The following ENTREP3 variants were observed in gnomAD, a reference collection of about 807,000 sequenced individuals.
The protein encoded by ENTREP3 is endosomal transmembrane epsin interactor 3, also known as protein ENTREP3.
chr1:155,251,130 G>C, the ENTREP3 span: 4 of 1,612,332 alleles, frequency 2.5e-6, no homozygotes, highest in South Asian at 1.1e-5. Flanking sequence ...ACAGATGCAC[G>C]AGCCATCGTG....
the ENTREP3 span, chr1:155,248,460 G>T: frequency 6.2e-7 from 1 of 1,613,718 alleles, no homozygotes; most frequent in Non-Finnish European, 8.5e-7. Context: ...TGGTATAAAG[G>T]TCCCTGAAGT....
the ENTREP3 span, chr1:155,250,468 T>G: frequency 1.4e-6 from 2 of 1,476,506 alleles, no homozygotes; most frequent in Non-Finnish European, 1.8e-6. This position sits in a 1 kb window ranked among gnomAD's most constrained non-coding sequence, Gnocchi z 5.4. Context: ...ACCCGCCGCC[T>G]CAGCTCGGGG....
At chr1:155,250,623 T>C in the ENTREP3 span, 7 of 1,610,018 alleles carry the variant, frequency 4.3e-6, no homozygotes, top group Non-Finnish European at 2.5e-6. The surrounding 1 kb of genome is among the most constrained non-coding windows in gnomAD (Gnocchi z 5.4). Flanking sequence ...CAGGGGGCTT[T>C]CCTCGAAGGG....
At chr1:155,253,784 T>C in the ENTREP3 span, 1 of 1,609,522 alleles carries the variant, frequency 6.2e-7, no homozygotes. Context: ...GTTCCACACA[T>C]TATGGGCCTG....
At chr1:155,253,593 C>T in the ENTREP3 span, 32 of 1,507,970 alleles carry the variant, frequency 2.1e-5, no homozygotes, top group Middle Eastern at 1.7e-4. Flanking sequence ...CCCCACCATA[C>T]CTGCGTGCCC....
At chr1:155,249,887 A>G in the ENTREP3 span, among the ~76,000 whole-genome samples, 6 of 140,104 alleles carry the variant, frequency 4.3e-5, no homozygotes, top group African/African-American at 1.6e-4. Context: ...CACCGTCTCA[A>G]AAAAAAAAAA....
chr1:155,247,485 A>T, the ENTREP3 span: 1 of 654,626 alleles, frequency 1.5e-6, no homozygotes, highest in East Asian at 3.1e-5. Flanking sequence ...TGCAAATCAG[A>T]AAGAGCCACT....
At chr1:155,248,351 G>C in the ENTREP3 span, 2 of 1,614,010 alleles carry the variant, frequency 1.2e-6, no homozygotes, top group Admixed American at 3.3e-5. Context: ...GTGGAGAGGG[G>C]GCTGGGCAGC....
chr1:155,251,485 C>T, the ENTREP3 span: 1 of 1,594,650 alleles, frequency 6.3e-7, no homozygotes, highest in Non-Finnish European at 8.6e-7. Context: ...CCGCCCCAAG[C>T]CGTGCTGTGC....
chr1:155,249,779 G>C, the ENTREP3 span, among the ~76,000 whole-genome samples: 3 of 151,782 alleles, frequency 2.0e-5, no homozygotes, highest in Non-Finnish European at 4.4e-5. Flanking sequence ...CTCACTACTC[G>C]GGAGGCTGAG....
At chr1:155,250,879 G>A in the ENTREP3 span, 1 of 1,500,468 alleles carries the variant, frequency 6.7e-7, no homozygotes, top group South Asian at 1.2e-5. The surrounding 1 kb of genome is among the most constrained non-coding windows in gnomAD (Gnocchi z 5.4). Flanking sequence ...GCCCTGCCCA[G>A]GCAGTTCCTC....
the ENTREP3 span, chr1:155,251,544 G>C: frequency 6.2e-7 from 1 of 1,614,024 alleles, no homozygotes; most frequent in African/African-American, 1.3e-5. Flanking sequence ...CATAAGAAGG[G>C]GGGCAATCGG....
the ENTREP3 span, among the ~76,000 whole-genome samples, chr1:155,252,409 G>A: frequency 6.6e-6 from 1 of 151,132 alleles, no homozygotes; most frequent in Non-Finnish European, 1.5e-5. Flanking sequence ...CACTCTTGTC[G>A]CCCAGGCTGG....
At chr1:155,254,659 C>A in the ENTREP3 span, 1 of 1,607,612 alleles carries the variant, frequency 6.2e-7, no homozygotes, top group South Asian at 1.1e-5. The surrounding 1 kb of genome is among the most constrained non-coding windows in gnomAD (Gnocchi z 4.4). Context: ...TCACCGAGAA[C>A]CCAGCCCAAG....
the ENTREP3 span, chr1:155,254,638 G>A: frequency 1.2e-6 from 2 of 1,605,156 alleles, no homozygotes; most frequent in African/African-American, 1.3e-5. This position sits in a 1 kb window ranked among gnomAD's most constrained non-coding sequence, Gnocchi z 4.4. Flanking sequence ...CCCAACAACT[G>A]TGCACCCAAC....
chr1:155,250,527 CGGGCAGCTGT>C, the ENTREP3 span: 4 of 1,530,092 alleles, frequency 2.6e-6, no homozygotes, highest in African/African-American at 1.4e-5. This position sits in a 1 kb window ranked among gnomAD's most constrained non-coding sequence, Gnocchi z 5.4. Flanking sequence ...GTGGCAGCTG[CGGGCAGCTGT>C]GGGGGCACCC....
chr1:155,251,889 G>T, the ENTREP3 span: 1 of 1,453,208 alleles, frequency 6.9e-7, no homozygotes, highest in African/African-American at 1.5e-5. Context: ...GCCTGAGACT[G>T]ACCGCTCAGG....
At chr1:155,250,474 C>T in the ENTREP3 span, 1 of 1,479,090 alleles carries the variant, frequency 6.8e-7, no homozygotes. This position sits in a 1 kb window ranked among gnomAD's most constrained non-coding sequence, Gnocchi z 5.4. Context: ...CGCCTCAGCT[C>T]GGGGAAGCAG....
At chr1:155,254,171 C>T in the ENTREP3 span, 4 of 1,613,894 alleles carry the variant, frequency 2.5e-6, no homozygotes, top group South Asian at 1.1e-5. The surrounding 1 kb of genome is among the most constrained non-coding windows in gnomAD (Gnocchi z 4.4). Context: ...CACAGAGCAC[C>T]GAAAGCAAGG....
Sources: gnomAD v4.1 joint callset for allele counts (sites outside exome capture counted in the v4.1 genomes callset) on GRCh38, gnomAD v4.1.1 for gene constraint, Gnocchi (gnomAD v3.1) non-coding constraint, MANE v1.5 for transcripts, NCBI Gene and HGNC (gene_info 2026-07-23, HGNC 2026-07-21) for gene names.